PHKB: variants seen among roughly 807,000 people sequenced by gnomAD.
PHKB encodes phosphorylase b kinase regulatory subunit beta.
In PHKB, 122 loss-of-function variants were observed where a neutral mutation model predicts 152.1. The ratio of observed to expected loss-of-function variants is 0.80; its 90% CI spans 0.69 to 0.93. The LOEUF (loss-of-function observed/expected upper bound fraction) is 0.93, where lower values mean the gene tolerates loss of function less well. Among genes scored for constraint, PHKB ranks in the 40% least tolerant of loss-of-function variants. PHKB has a pLI of 0.00. For missense variants in PHKB, 1,304 were observed against 1,328.4 expected (o/e 0.98, Z 0.29); for synonymous variants, 436 against 464.9 (o/e 0.94, Z 0.80).
chr16:47,507,449 C>T (rs1457805077), intron 4 of PHKB, among the ~76,000 whole-genome samples: 1 of 152,116 alleles, frequency 6.6e-6, no homozygotes, highest in East Asian at 1.9e-4. Flanking sequence ...CTTACTCAAC[C>T]TTATTAACCA....
intron 6 of PHKB, among the ~76,000 whole-genome samples, chr16:47,540,545 C>T (rs569039355): frequency 1.3e-5 from 2 of 151,978 alleles, no homozygotes; most frequent in East Asian, 1.9e-4. Flanking sequence ...ATGGTCCTAC[C>T]GATATGTGAT....
At chr16:47,585,340 C>A (rs116243299) in intron 8 of PHKB, among the ~76,000 whole-genome samples, 1 of 152,078 alleles carries the variant, frequency 6.6e-6, no homozygotes, top group East Asian at 1.9e-4. Flanking sequence ...ACAAATGAGC[C>A]GAGACCAGAA....
intron 16 of PHKB, among the ~76,000 whole-genome samples, chr16:47,645,771 A>G (rs1174951500): frequency 1.3e-5 from 2 of 149,228 alleles, no homozygotes; most frequent in South Asian, 4.3e-4. Context: ...CAAAAAACAC[A>G]TGAAGAAATG....
intron 1 of PHKB, among the ~76,000 whole-genome samples, chr16:47,494,781 C>T (rs1597029203): frequency 6.6e-6 from 1 of 152,192 alleles, no homozygotes; most frequent in Admixed American, 6.5e-5. Flanking sequence ...AATTCATGCT[C>T]TATTAATTGC....
intron 20 of PHKB, among the ~76,000 whole-genome samples, chr16:47,654,572 AC>A (rs1973299117): frequency 6.6e-6 from 1 of 152,118 alleles, no homozygotes; most frequent in African/African-American, 2.4e-5. Flanking sequence ...ACAATGATAG[AC>A]TGGATTAAGA....
intron 13 of PHKB, chr16:47,597,946 T>C (rs907115920): frequency 6.6e-6 from 1 of 151,976 alleles, no homozygotes; most frequent in African/African-American, 2.4e-5. Flanking sequence ...AAGTACCAAG[T>C]CAATTTCTTC....
At chr16:47,585,147 G>A (rs2151695435) in intron 8 of PHKB, among the ~76,000 whole-genome samples, 1 of 152,286 alleles carries the variant, frequency 6.6e-6, no homozygotes, top group African/African-American at 2.4e-5. Flanking sequence ...AGTAAAGTTT[G>A]AGCTGTCAGT....
chr16:47,616,665 A>G (rs1189546428), intron 14 of PHKB, among the ~76,000 whole-genome samples: 2 of 147,452 alleles, frequency 1.4e-5, no homozygotes, highest in African/African-American at 4.9e-5. Context: ...ATATATTAAT[A>G]TATAATATTT....
intron 8 of PHKB, among the ~76,000 whole-genome samples, chr16:47,586,020 T>A (rs1157570383): frequency 6.6e-6 from 1 of 152,206 alleles, no homozygotes; most frequent in Non-Finnish European, 1.5e-5. Flanking sequence ...ATCCATTTAT[T>A]TCTCTGCTGT....
At chr16:47,545,070 A>G (rs553384340) in intron 6 of PHKB, among the ~76,000 whole-genome samples, 4 of 152,296 alleles carry the variant, frequency 2.6e-5, no homozygotes, top group African/African-American at 9.6e-5. Context: ...GTGTATTTTA[A>G]TTGGGGCATT....
chr16:47,689,849 T>C (rs886887584), intron 27 of PHKB, among the ~76,000 whole-genome samples: 1 of 152,248 alleles, frequency 6.6e-6, no homozygotes, highest in African/African-American at 2.4e-5. Flanking sequence ...AAAGGCATCC[T>C]CGTTCTTAAA....
chr16:47,625,141 A>G (rs1972686218), intron 14 of PHKB, among the ~76,000 whole-genome samples: 1 of 152,142 alleles, frequency 6.6e-6, no homozygotes, highest in Non-Finnish European at 1.5e-5. Flanking sequence ...CCAGGTCACC[A>G]TTATCTCTCA....
At chr16:47,682,641 G>A (rs1973883162) in intron 26 of PHKB, among the ~76,000 whole-genome samples, 1 of 152,214 alleles carries the variant, frequency 6.6e-6, no homozygotes, top group African/African-American at 2.4e-5. Flanking sequence ...TCTCTGCGTT[G>A]GTTATTCTAG....
At chr16:47,633,667 C>G (rs1972866350) in intron 14 of PHKB, among the ~76,000 whole-genome samples, 1 of 152,076 alleles carries the variant, frequency 6.6e-6, no homozygotes, top group Non-Finnish European at 1.5e-5. Context: ...CGTAAAGGGA[C>G]AGTGGACAGA....
intron 6 of PHKB, among the ~76,000 whole-genome samples, chr16:47,522,076 C>CA (rs1970694721): frequency 6.6e-6 from 1 of 152,042 alleles, no homozygotes; most frequent in African/African-American, 2.4e-5. Context: ...GTGTTGGTAC[C>CA]AGGGCCAATA....
chr16:47,478,132 T>C (rs748075893), intron 1 of PHKB, among the ~76,000 whole-genome samples: 8 of 152,278 alleles, frequency 5.3e-5, no homozygotes, highest in Non-Finnish European at 8.8e-5. Flanking sequence ...AAAAAATCTA[T>C]GTTTTTACCT....
chr16:47,546,337 C>T (rs1434072865), intron 6 of PHKB, among the ~76,000 whole-genome samples: 1 of 152,208 alleles, frequency 6.6e-6, no homozygotes, highest in African/African-American at 2.4e-5. Context: ...TTCCTTCTAA[C>T]AGGCCCCTCA....
chr16:47,557,189 T>G (rs370000606), intron 7 of PHKB, among the ~76,000 whole-genome samples: 13 of 152,170 alleles, frequency 8.5e-5, no homozygotes, highest in East Asian at 3.9e-4. Context: ...TATGTAGAAA[T>G]CTGAAACTGG....
intron 29 of PHKB, 33 bp from the exon 30 acceptor site, chr16:47,698,415 A>C (rs761798800): frequency 5.8e-6 from 9 of 1,542,684 alleles, no homozygotes; most frequent in Admixed American, 3.3e-5. Flanking sequence ...ATTATGGTTC[A>C]TATAGTTGGC....
Sources: allele counts gnomAD v4.1 joint callset (sites outside exome capture counted in the v4.1 genomes callset), GRCh38; gene constraint gnomAD v4.1.1; transcripts MANE v1.5; gene names NCBI Gene and HGNC (gene_info 2026-07-23, HGNC 2026-07-21).